LPP: variants seen among roughly 807,000 people sequenced by gnomAD.
LPP encodes the protein lipoma-preferred partner.
In LPP, 38 loss-of-function variants were observed where a neutral mutation model predicts 60.4. The ratio of observed to expected loss-of-function variants is 0.63; its 90% confidence interval spans 0.49 to 0.83. The LOEUF (loss-of-function observed/expected upper bound fraction) is 0.83, where lower values mean the gene tolerates loss of function less well. LPP is among the 40% of genes least tolerant of loss of function. The probability of loss-of-function intolerance (pLI) is 0.00; values close to 1 mark genes in which losing one functional copy is unlikely to be tolerated. For synonymous variants in LPP, 328 were observed against 290.8 expected (o/e 1.13, Z -1.30); for missense variants, 902 against 783.6 (o/e 1.15, Z -1.80).
At chr3:188,770,045 T>C (rs1735366650) in intron 9 of LPP, among the ~76,000 whole-genome samples, 1 of 152,156 alleles carries the variant, frequency 6.6e-6, no homozygotes, top group South Asian at 2.1e-4. Context: ...CCATTAGTTA[T>C]ACACTTCATT....
At chr3:188,194,238 C>A (rs1168537153) in intron 1 of LPP, among the ~76,000 whole-genome samples, 1 of 152,226 alleles carries the variant, frequency 6.6e-6, no homozygotes, top group Non-Finnish European at 1.5e-5. Flanking sequence ...ATTTTTTCCT[C>A]TGTACTTCGT....
At chr3:188,659,685 G>A (rs915774064) in intron 7 of LPP, among the ~76,000 whole-genome samples, 1 of 152,080 alleles carries the variant, frequency 6.6e-6, no homozygotes, top group Admixed American at 6.6e-5. Flanking sequence ...GCTCCAACTC[G>A]CAGCTTGGCA....
At chr3:188,275,742 C>T (rs1351754875) in intron 2 of LPP, among the ~76,000 whole-genome samples, 1 of 151,998 alleles carries the variant, frequency 6.6e-6, no homozygotes, top group Non-Finnish European at 1.5e-5. Context: ...ATGGCACCAT[C>T]TCGGCTCACT....
chr3:188,700,041 A>G lies in LPP; in HGVS notation c.1114-8226A>G, dbSNP rs914508671. Among the ~76,000 whole-genome samples, 11 of 152,300 alleles carry G rather than the reference A, an allele frequency of 7.2e-5. No individual in the cohort carries two copies. In the South Asian group the frequency reaches 2.3e-3, roughly 32 times the overall value. The stretch of plus-strand genomic sequence containing the variant: ...ACCTTTTGAAAAGAAGATAATTTCA[A>G]TGTTTCTTTTTTTTCAAGAACACAT... On this transcript the variant is annotated intron_variant, in intron 7 of 11. Transcript: ENST00000617246.
chr3:188,450,902 T>C (rs1796441066), intron 4 of LPP, among the ~76,000 whole-genome samples: 1 of 152,154 alleles, frequency 6.6e-6, no homozygotes, highest in African/African-American at 2.4e-5. Flanking sequence ...CTCCAACTCT[T>C]GGCTGCCACA....
intron 5 of LPP, among the ~76,000 whole-genome samples, chr3:188,486,214 C>G (rs960979750): frequency 2.0e-5 from 3 of 152,028 alleles, no homozygotes; most frequent in African/African-American, 7.3e-5. Context: ...ATGGTTTGTT[C>G]TATTATTTGC....
chr3:188,199,442 A>G (rs893866554), intron 1 of LPP, among the ~76,000 whole-genome samples: 8 of 151,684 alleles, frequency 5.3e-5, no homozygotes, highest in Non-Finnish European at 1.2e-4. Flanking sequence ...TTTGGCCAAA[A>G]AGGAGGAACA....
chr3:188,753,622 T>G (rs1577350577), intron 8 of LPP, among the ~76,000 whole-genome samples: 1 of 146,734 alleles, frequency 6.8e-6, no homozygotes, highest in South Asian at 2.1e-4. Flanking sequence ...TGTGTTTTGT[T>G]TTTTGTTTTT....
intron 2 of LPP, among the ~76,000 whole-genome samples, chr3:188,307,450 T>C (rs1407526349): frequency 2.0e-5 from 3 of 152,226 alleles, no homozygotes; most frequent in South Asian, 2.1e-4. Context: ...AGCTGTAAGA[T>C]AGATAAAATT....
At chr3:188,395,230 T>G (rs1257271111) in intron 3 of LPP, among the ~76,000 whole-genome samples, 1 of 152,130 alleles carries the variant, frequency 6.6e-6, no homozygotes, top group Non-Finnish European at 1.5e-5. Flanking sequence ...TTTTAAAAAC[T>G]TATTTAGAGA....
At chr3:188,316,296 C>CA (rs1333054651) in intron 2 of LPP, among the ~76,000 whole-genome samples, 4 of 151,568 alleles carry the variant, frequency 2.6e-5, no homozygotes, top group South Asian at 2.1e-4. Flanking sequence ...CAAAACAAAA[C>CA]AAAAAAAAGA....
intron 8 of LPP, among the ~76,000 whole-genome samples, chr3:188,719,522 T>G (rs1427305555): frequency 6.6e-6 from 1 of 152,230 alleles, no homozygotes; most frequent in African/African-American, 2.4e-5. Flanking sequence ...GAGAGATTTC[T>G]ACTTCATAAT....
chr3:188,525,701 A>T (rs1820402484), intron 6 of LPP, among the ~76,000 whole-genome samples: 1 of 152,182 alleles, frequency 6.6e-6, no homozygotes, highest in Admixed American at 6.5e-5. Context: ...GGGTTGCTAC[A>T]TTGATGAATG....
intron 1 of LPP, among the ~76,000 whole-genome samples, chr3:188,189,376 C>T (rs1170469877): frequency 6.6e-6 from 1 of 152,228 alleles, no homozygotes; most frequent in Non-Finnish European, 1.5e-5. Flanking sequence ...GCATGAGCCA[C>T]CGCACTAGGC....
chr3:188,491,850 G>T (rs774996629), intron 5 of LPP, among the ~76,000 whole-genome samples: 3 of 152,156 alleles, frequency 2.0e-5, no homozygotes, highest in Admixed American at 1.3e-4. Context: ...GTCCAGGGGA[G>T]TATTCCAATA....
intron 2 of LPP, among the ~76,000 whole-genome samples, chr3:188,232,117 C>T (rs1022126484): frequency 1.3e-5 from 2 of 152,060 alleles, no homozygotes; most frequent in Non-Finnish European, 2.9e-5. Flanking sequence ...AATCAAGCTC[C>T]GCAGTTTATT....
At chr3:188,299,940 T>C (rs1434834903) in intron 2 of LPP, among the ~76,000 whole-genome samples, 1 of 152,222 alleles carries the variant, frequency 6.6e-6, no homozygotes, top group Non-Finnish European at 1.5e-5. Flanking sequence ...GATGAGTTAA[T>C]GCCTATGAAA....
At chr3:188,480,466 A>G (rs1201416682) in intron 4 of LPP, among the ~76,000 whole-genome samples, 1 of 152,208 alleles carries the variant, frequency 6.6e-6, no homozygotes, top group African/African-American at 2.4e-5. Flanking sequence ...ACCATTTTAC[A>G]TGAAAATTGA....
chr3:188,562,967 TGTGGAGTGCCTAGCA>T (rs1469959322), intron 6 of LPP, among the ~76,000 whole-genome samples: 5 of 151,968 alleles, frequency 3.3e-5, no homozygotes, highest in Non-Finnish European at 7.4e-5. Flanking sequence ...ACTTGAGATT[TGTGGAGTGCCTAGCA>T]GTTTGTCGAG....
Sources: gnomAD v4.1 joint callset for allele counts (sites outside exome capture counted in the v4.1 genomes callset) on GRCh38, gnomAD v4.1.1 for gene constraint, MANE v1.5 for transcripts, NCBI Gene and HGNC (gene_info 2026-07-23, HGNC 2026-07-21) for gene names.